The following LHFPL3 variants were observed in gnomAD, a reference collection of about 807,000 sequenced individuals.
LHFPL3 encodes LHFPL tetraspan subfamily member 3 protein.
A neutral mutation model predicts 19.3 loss-of-function variants in LHFPL3; 5 were observed. That is an observed-to-expected ratio of 0.26 (90% CI 0.14 to 0.54). The LOEUF (loss-of-function observed/expected upper bound fraction) is 0.54. LHFPL3 is among the 20% of genes least tolerant of loss of function. The pLI is 0.94. For missense variants in LHFPL3, 249 were observed against 307.4 expected (o/e 0.81, Z 1.42); for synonymous variants, 133 against 126.2 (o/e 1.05, Z -0.36).
intron 2 of LHFPL3, among the ~76,000 whole-genome samples, chr7:104,899,064 CTGCATTCCAGCCTTG>C (rs1792430781): frequency 6.6e-6 from 1 of 152,032 alleles, no homozygotes; most frequent in Non-Finnish European, 1.5e-5. Context: ...GATTTTGCCA[CTGCATTCCAGCCTTG>C]GTGACCGAGT....
At chr7:104,787,067 C>A (rs1336885412) in intron 2 of LHFPL3, among the ~76,000 whole-genome samples, 13 of 152,176 alleles carry the variant, frequency 8.5e-5, no homozygotes, top group Admixed American at 2.0e-4. Context: ...ATTTTCAGTA[C>A]TGGGCATTGG....
At chr7:104,383,321 G>A (rs528144235) in intron 1 of LHFPL3, among the ~76,000 whole-genome samples, 48 of 152,304 alleles carry the variant, frequency 3.2e-4, no homozygotes, top group Middle Eastern at 3.4e-3. Flanking sequence ...CACAAGGACC[G>A]TCAGTGCCTC....
chr7:104,684,061 G>A (rs915449376), intron 1 of LHFPL3, among the ~76,000 whole-genome samples: 1 of 152,198 alleles, frequency 6.6e-6, no homozygotes, highest in East Asian at 1.9e-4. Flanking sequence ...ATACATTAGT[G>A]CTAAGCTTGT....
intron 1 of LHFPL3, among the ~76,000 whole-genome samples, chr7:104,606,614 T>C (rs892594805): frequency 6.6e-6 from 1 of 152,160 alleles, no homozygotes; most frequent in African/African-American, 2.4e-5. Context: ...AACCATGTAA[T>C]TGGCCAACAG....
chr7:104,503,337 A>C (rs932584013), intron 1 of LHFPL3, among the ~76,000 whole-genome samples: 2 of 152,176 alleles, frequency 1.3e-5, no homozygotes, highest in South Asian at 4.1e-4. Context: ...TCTGTAAAAA[A>C]TGACAGGAAA....
chr7:104,448,765 A>C (rs1373100776), intron 1 of LHFPL3, among the ~76,000 whole-genome samples: 1 of 152,238 alleles, frequency 6.6e-6, no homozygotes, highest in Non-Finnish European at 1.5e-5. Flanking sequence ...AGAAATGAAA[A>C]TGAATTCTTT....
At chr7:104,733,772 A>T (rs2116291082) in intron 1 of LHFPL3, among the ~76,000 whole-genome samples, 1 of 152,286 alleles carries the variant, frequency 6.6e-6, no homozygotes, top group South Asian at 2.1e-4. Context: ...TTATGATGTT[A>T]GCTGGTTATT....
At chr7:104,538,744 C>T (rs1251331787) in intron 1 of LHFPL3, among the ~76,000 whole-genome samples, 6 of 151,706 alleles carry the variant, frequency 4.0e-5, no homozygotes, top group East Asian at 1.9e-4. Context: ...AATAATAGTC[C>T]CTGAAGATGT....
At chr7:104,531,240 G>A (rs1794288374) in intron 1 of LHFPL3, among the ~76,000 whole-genome samples, 1 of 152,146 alleles carries the variant, frequency 6.6e-6, no homozygotes, top group Non-Finnish European at 1.5e-5. Flanking sequence ...TCCCAGAGGT[G>A]TCCAGAAAGA....
intron 1 of LHFPL3, among the ~76,000 whole-genome samples, chr7:104,382,227 G>A (rs565617310): frequency 8.5e-5 from 13 of 152,228 alleles, no homozygotes; most frequent in South Asian, 4.2e-4. Context: ...GCAAATTCTC[G>A]GGCTCCATCC....
At chr7:104,601,210 GA>G (rs1335388550) in intron 1 of LHFPL3, among the ~76,000 whole-genome samples, 1 of 152,198 alleles carries the variant, frequency 6.6e-6, no homozygotes, top group Admixed American at 6.5e-5. Context: ...TCTGCTGGAA[GA>G]TGAAGGGGGA....
chr7:104,773,641 T>C (rs1418180541), intron 2 of LHFPL3, among the ~76,000 whole-genome samples: 1 of 152,192 alleles, frequency 6.6e-6, no homozygotes, highest in African/African-American at 2.4e-5. Context: ...TTAGTTAAGA[T>C]GCAGTCACAC....
rs5886322 is a variant in LHFPL3, at chr7:104,495,376, TAAA to T, written c.445+166160_445+166162del. Among the ~76,000 whole-genome samples the T allele has an allele frequency of 2.0e-5, 3 of 151,478 alleles. 1 individual carries two copies. The highest frequency in any genetic ancestry group is 7.3e-5 in the African/African-American group (3 of 41,282). Reference sequence around the variant, plus strand: ...GTGTACACAGCCATGTCTGGCTATTTAAAAAAAAAATTTTTTTTCTTTTTTGAG... The same window carrying T: ...GTGTACACAGCCATGTCTGGCTATTTAAAAAAATTTTTTTTCTTTTTTGAG... On this transcript the variant is annotated intron_variant, in intron 1 of 2. Transcript: ENST00000424859.
intron 1 of LHFPL3, among the ~76,000 whole-genome samples, chr7:104,370,393 C>T: frequency 6.6e-6 from 1 of 152,068 alleles, no homozygotes; most frequent in Admixed American, 6.6e-5. Context: ...TTCCAGGCTC[C>T]CTCTAGCACC....
intron 2 of LHFPL3, among the ~76,000 whole-genome samples, chr7:104,879,441 TA>T (rs1273485235): frequency 2.6e-5 from 4 of 152,028 alleles, no homozygotes; most frequent in African/African-American, 9.6e-5. Context: ...TAAGGTGGAC[TA>T]GGGGCAATAT....
chr7:104,605,170 TATCAA>T (rs1428941480), intron 1 of LHFPL3, among the ~76,000 whole-genome samples: 2 of 152,220 alleles, frequency 1.3e-5, no homozygotes, highest in Non-Finnish European at 2.9e-5. Context: ...TATTTTACAC[TATCAA>T]ATAAAGTTGT....
chr7:104,626,910 T>C (rs903002216), intron 1 of LHFPL3, among the ~76,000 whole-genome samples: 5 of 152,212 alleles, frequency 3.3e-5, no homozygotes, highest in Non-Finnish European at 7.3e-5. Flanking sequence ...AATGTTTTGA[T>C]ATATATAGAC....
At chr7:104,655,892 G>T (rs1446023738) in intron 1 of LHFPL3, among the ~76,000 whole-genome samples, 1 of 152,054 alleles carries the variant, frequency 6.6e-6, no homozygotes, top group African/African-American at 2.4e-5. Context: ...TTATGTTTTT[G>T]TTGCCAGAAA....
chr7:104,437,892 A>T (rs1031578789), intron 1 of LHFPL3, among the ~76,000 whole-genome samples: 2 of 152,104 alleles, frequency 1.3e-5, no homozygotes, highest in Admixed American at 6.5e-5. Context: ...TATTAACTCA[A>T]TACTTAACCT....
Sources: gnomAD v4.1 joint callset for allele counts (sites outside exome capture counted in the v4.1 genomes callset) on GRCh38, gnomAD v4.1.1 for gene constraint, MANE v1.5 for transcripts, NCBI Gene and HGNC (gene_info 2026-07-23, HGNC 2026-07-21) for gene names.